AZIN1: variants seen among roughly 807,000 people sequenced by gnomAD.
The protein encoded by AZIN1 is ornithine decarboxylase antizyme inhibitor.
In AZIN1, 12 loss-of-function variants were observed where a neutral mutation model predicts 47.4. The observed-to-expected ratio is 0.25, with a 90% CI of 0.16 to 0.41. The LOEUF is 0.41. Among genes scored for constraint, AZIN1 ranks in the 10% least tolerant of loss-of-function variants. The pLI, the probability that AZIN1 is intolerant of heterozygous loss-of-function variation, is 1.00. For synonymous variants in AZIN1, 155 were observed against 176.3 expected (o/e 0.88, Z 0.96); for missense variants, 410 against 532.4 (o/e 0.77, Z 2.26).
At position 102,838,761 on chromosome 8, in the gene AZIN1, A is replaced by C; in HGVS notation, c.432T>G (p.Arg144=). 6.2e-7 allele frequency: 1 copy of C among 1,612,588 alleles called. No homozygotes were observed. ...DNEIELKKIA[R]NHPNAKVLLH... is the part of the protein sequence containing the mutation. ...ATACTTACTTGGCATTTGGGTGATTACGTGCAATTTTCTTCAATTCAATTT... is the reference window on the plus strand; with the variant it reads ...ATACTTACTTGGCATTTGGGTGATTCCGTGCAATTTTCTTCAATTCAATTT... The change falls in exon 5 of 12, where the codon CGT becomes CGG. Residue 144 remains arginine, a synonymous_variant. Coordinates refer to ENST00000337198, the MANE Select transcript of AZIN1 (RefSeq NM_148174.4).
chr8:102,838,795 CAT>C lies in AZIN1; in HGVS notation c.396_397del (p.Cys133Ter). 6.2e-7 allele frequency: 1 copy of C among 1,613,582 alleles called. No homozygotes were observed. The highest frequency in any genetic ancestry group is 8.5e-7 in the Non-Finnish European group (1 of 1,179,820). Reference sequence around the variant, plus strand: ...TTTCTTCAATTCAATTTCATTGTCACATGTCAGGATATTCACTCCAACTTTTG... The same window carrying C: ...TTTCTTCAATTCAATTTCATTGTCACGTCAGGATATTCACTCCAACTTTTG... On this transcript the variant is annotated frameshift_variant, in exon 5 of 12. Coordinates refer to ENST00000337198, the MANE Select transcript of AZIN1 (RefSeq NM_148174.4). LOFTEE classifies it high-confidence loss of function.
rs759999261 is a variant in AZIN1, at chr8:102,838,741, T to C, written c.449+3A>G. On this transcript the variant is annotated splice_donor_region_variant and intron_variant, in intron 5 of 11. Transcript: ENST00000337198. ...ATTTTCAAGTACTTAATTTTATACTTACTTGGCATTTGGGTGATTACGTGC... is the reference window on the plus strand; with the variant it reads ...ATTTTCAAGTACTTAATTTTATACTCACTTGGCATTTGGGTGATTACGTGC... The C allele has an allele frequency of 6.2e-7, 1 of 1,608,394 alleles. No homozygotes were observed. Among genetic ancestry groups the C allele is most frequent in the East Asian group, 2.2e-5 (1 of 44,808 alleles).
intron 8 of AZIN1, 151 bp from the exon 9 acceptor site, chr8:102,833,369 A>T (rs1450259027): frequency 6.9e-6 from 4 of 577,960 alleles, no homozygotes; most frequent in Non-Finnish European, 1.2e-5. Context: ...ATCTCCAAGC[A>T]ATTAATTAGG....
intron 7 of AZIN1, 64 bp from the exon 8 acceptor site, chr8:102,834,327 A>C: frequency 7.3e-7 from 1 of 1,372,146 alleles, no homozygotes; most frequent in South Asian, 1.2e-5. Context: ...GAACATTTTA[A>C]AAACCCCCTC....
intron 2 of AZIN1, among the ~76,000 whole-genome samples, chr8:102,848,786 A>C (rs1378935128): frequency 6.6e-6 from 1 of 152,230 alleles, no homozygotes; most frequent in Non-Finnish European, 1.5e-5. Context: ...ATTGTTAAAA[A>C]AAAGAAAGGT....
At chr8:102,863,381 G>C (rs1038785346) in intron 1 of AZIN1, among the ~76,000 whole-genome samples, 4 of 151,310 alleles carry the variant, frequency 2.6e-5, no homozygotes, top group African/African-American at 4.9e-5. Context: ...GCGCACCGCG[G>C]AGTAGGGGCT....
intron 3 of AZIN1, among the ~76,000 whole-genome samples, chr8:102,841,818 A>AG (rs2131231071): frequency 6.7e-6 from 1 of 150,344 alleles, no homozygotes; most frequent in African/African-American, 2.4e-5. Context: ...AAAAAAAAAA[A>AG]AAAAAGACCA....
At chr8:102,863,626 C>CCCGCCG (rs371296627) in intron 1 of AZIN1, among the ~76,000 whole-genome samples, 181 bp downstream of exon 1, 45 of 147,886 alleles carry the variant, frequency 3.0e-4, no homozygotes, top group Middle Eastern at 3.4e-3. Context: ...GCCGCCCAGC[C>CCCGCCG]CCGCCGCCGC....
chr8:102,850,152 T>A (rs1812829537), intron 2 of AZIN1: 1 of 152,156 alleles, frequency 6.6e-6, no homozygotes, highest in South Asian at 2.1e-4. Context: ...TCCCTGGAAG[T>A]AGAACAGGGA....
intron 2 of AZIN1, among the ~76,000 whole-genome samples, chr8:102,846,505 G>C (rs1421916639): frequency 6.6e-6 from 1 of 151,952 alleles, no homozygotes; most frequent in Non-Finnish European, 1.5e-5. Context: ...CCACAATGAC[G>C]GTATTATCTC....
chr8:102,833,534 A>G (rs1811607623), intron 8 of AZIN1, among the ~76,000 whole-genome samples: 1 of 152,012 alleles, frequency 6.6e-6, no homozygotes, highest in Non-Finnish European at 1.5e-5. Context: ...TTTTCAAATC[A>G]TAGTTTCTAG....
intron 4 of AZIN1, 101 bp downstream of exon 4, chr8:102,839,549 C>T: frequency 1.2e-6 from 1 of 840,772 alleles, no homozygotes; most frequent in Non-Finnish European, 1.7e-6. Context: ...GAAACTCCAT[C>T]CAAAAGTCAA....
chr8:102,826,624 A>G lies in AZIN1; in HGVS notation c.*1943T>C, dbSNP rs1235091386. The G allele has an allele frequency of 3.3e-5, 5 of 152,640 alleles. No homozygotes were observed. Among genetic ancestry groups the G allele is most frequent in the Non-Finnish European group, 5.9e-5 (4 of 68,032 alleles). The allele number at this position is 152,640 out of a possible 1,614,324, so 9.5% of individuals were successfully genotyped here. A position where few individuals can be genotyped will look rare whatever the true frequency, so the allele number is the denominator to read the frequency against. ...AAAGTTACCGTATCATTCACATGTGATATTTGCAACTCTGAGCTATTTCTT... is the reference window on the plus strand; with the variant it reads ...AAAGTTACCGTATCATTCACATGTGGTATTTGCAACTCTGAGCTATTTCTT... On this transcript the variant is annotated 3_prime_UTR_variant, in exon 12 of 12. Coordinates refer to ENST00000337198, the MANE Select transcript of AZIN1 (RefSeq NM_148174.4).
chr8:102,838,078 C>T (rs749216823), intron 5 of AZIN1, among the ~76,000 whole-genome samples: 3 of 151,976 alleles, frequency 2.0e-5, no homozygotes, highest in Non-Finnish European at 2.9e-5. Context: ...GGATTACAGG[C>T]GCAGGCCACC....
At chr8:102,842,235 C>T (rs887380745) in intron 3 of AZIN1, among the ~76,000 whole-genome samples, 3 of 152,134 alleles carry the variant, frequency 2.0e-5, no homozygotes, top group African/African-American at 7.2e-5. Context: ...AATGAACATA[C>T]ACAACCAAAA....
chr8:102,855,062 C>CTT (rs567171708), intron 2 of AZIN1, among the ~76,000 whole-genome samples: 5 of 151,358 alleles, frequency 3.3e-5, no homozygotes, highest in South Asian at 2.1e-4. Flanking sequence ...TAGGGGATTT[C>CTT]TTTTTTTTTG....
chr8:102,861,504 G>C (rs1475160716), intron 1 of AZIN1, among the ~76,000 whole-genome samples: 1 of 151,568 alleles, frequency 6.6e-6, no homozygotes, highest in Non-Finnish European at 1.5e-5. Flanking sequence ...TTACAGGCTT[G>C]AGCCACCGCG....
intron 9 of AZIN1, among the ~76,000 whole-genome samples, chr8:102,831,833 T>C (rs1811482407): frequency 6.6e-6 from 1 of 152,008 alleles, no homozygotes; most frequent in African/African-American, 2.4e-5. Context: ...CATATGCCTG[T>C]AGTCCCAGCT....
At chr8:102,854,786 T>TAA (rs199733627) in intron 2 of AZIN1, among the ~76,000 whole-genome samples, 3 of 143,342 alleles carry the variant, frequency 2.1e-5, no homozygotes, top group African/African-American at 7.6e-5. Flanking sequence ...GACAACCAGG[T>TAA]AAAAAAAAAA....
Sources: gnomAD v4.1 joint callset for allele counts (sites outside exome capture counted in the v4.1 genomes callset) on GRCh38, gnomAD v4.1.1 for gene constraint, MANE v1.5 for transcripts, NCBI Gene and HGNC (gene_info 2026-07-23, HGNC 2026-07-21) for gene names.